MAP3K21: variants seen among roughly 807,000 people sequenced by gnomAD.
MAP3K21 encodes mitogen-activated protein kinase kinase kinase 21.
MAP3K21 carries 63 observed loss-of-function variants against 86.1 expected under a neutral mutation model. The observed-to-expected ratio is 0.73, with a 90% CI of 0.60 to 0.90. The LOEUF is 0.90. Among genes scored for constraint, MAP3K21 ranks in the 40% least tolerant of loss-of-function variants. The pLI, the probability that MAP3K21 is intolerant of heterozygous loss-of-function variation, is 0.00. For synonymous variants in MAP3K21, 558 were observed against 564.8 expected, an observed-to-expected ratio of 0.99 and a Z score of 0.17; for missense variants, 1,220 against 1,367.7, an observed-to-expected ratio of 0.89 and a Z score of 1.70.
chr1:233,339,195 TTTCTTC>T (rs71173272), intron 1 of MAP3K21, among the ~76,000 whole-genome samples: 2,369 of 115,476 alleles, frequency 0.021, 105 homozygotes, highest in Middle Eastern at 0.031. Context: ...AAAACAATCA[TTTCTTC>T]TTCTTCTTCT....
At chr1:233,348,289 G>A (rs369046622) in intron 2 of MAP3K21, among the ~76,000 whole-genome samples, 56 of 152,158 alleles carry the variant, frequency 3.7e-4, no homozygotes, top group Middle Eastern at 6.8e-3. Flanking sequence ...ATGATTTGAG[G>A]TTCATCTATG....
chr1:233,342,303 A>C (rs1663051620), intron 1 of MAP3K21, among the ~76,000 whole-genome samples: 1 of 152,208 alleles, frequency 6.6e-6, no homozygotes. Flanking sequence ...ATCTTGGATA[A>C]CATTTCTAGG....
chr1:233,379,083 G>A lies in MAP3K21; in HGVS notation c.2077G>A (p.Ala693Thr). 6.2e-7 allele frequency: 1 copy of A among 1,614,230 alleles called. No homozygotes were observed. The highest frequency in any genetic ancestry group is 8.5e-7 in the Non-Finnish European group (1 of 1,180,042). ...PAEAESWEEA[A>T]SANAATVSIE... ...AGAAGCTGAAAGCTGGGAGGAGGCA[G>A]CCTCTGCGAATGCTGCCACAGTCTC... The change falls in exon 9 of 10, where the codon GCC becomes ACC. Residue 693 changes from alanine to threonine, a missense_variant. Physicochemically the swap from Ala to Thr is moderately conservative, Grantham distance 58 (BLOSUM62 0). Coordinates refer to ENST00000366624, the MANE Select transcript of MAP3K21 (RefSeq NM_032435.3).
chr1:233,337,202 T>C (rs1215482519), intron 1 of MAP3K21, among the ~76,000 whole-genome samples: 1 of 70,374 alleles, frequency 1.4e-5, no homozygotes, highest in Non-Finnish European at 3.0e-5. Flanking sequence ...GTAATTCTGC[T>C]GTTGTAGCCA....
chr1:233,377,215 A>G (rs190767772), intron 8 of MAP3K21, among the ~76,000 whole-genome samples: 145 of 152,356 alleles, frequency 9.5e-4, no homozygotes, highest in Non-Finnish European at 1.2e-3. Context: ...CTATATTTGT[A>G]TTCAGTATTC....
intron 4 of MAP3K21, among the ~76,000 whole-genome samples, chr1:233,361,405 AT>A (rs1663463578): frequency 1.3e-5 from 2 of 152,268 alleles, no homozygotes; most frequent in South Asian, 4.1e-4. Context: ...TGTATACAGA[AT>A]ATATTTTCCT....
chr1:233,368,021 C>T (rs1192602708), intron 5 of MAP3K21, among the ~76,000 whole-genome samples: 3 of 152,162 alleles, frequency 2.0e-5, no homozygotes, highest in African/African-American at 2.4e-5. Flanking sequence ...TGGCTTTCCA[C>T]GTGTTCCATG....
At position 233,328,923 on chromosome 1, in the gene MAP3K21, G is replaced by T; in HGVS notation, c.805+90G>T. 5 of 1,230,734 alleles carry T rather than the reference G, an allele frequency of 4.1e-6. No individual in the cohort carries two copies. The highest frequency in any genetic ancestry group is 5.1e-6 in the Non-Finnish European group (5 of 974,468). The allele number at this position is 1,230,734 out of a possible 1,614,324, so 76.2% of individuals were successfully genotyped here. A position where few individuals can be genotyped will look rare whatever the true frequency, so the allele number is the denominator to read the frequency against. On this transcript the variant is annotated intron_variant, in intron 1 of 9. Coordinates refer to ENST00000366624, the MANE Select transcript of MAP3K21 (RefSeq NM_032435.3). This position sits in a 1 kb window ranked among gnomAD's most constrained non-coding sequence, Gnocchi z 8.7. ...GACATAGTACCAGATGGAAAGAGGT[G>T]GGAGTCAGCCTTAGGGCGCCAGCAG... is the stretch of plus-strand genomic sequence containing the variant.
In MAP3K21 at chr1:233,328,717, G is replaced by A; in HGVS notation, c.689G>A (p.Arg230His). ...DPRAPGPRRA[R>H]RIPPHVLVNW... Reference sequence around the variant, plus strand: ...CGCGCGCCCGGCCCCCGCCGCGCGCGCCGCATCCCTCCGCACGTGCTGGTC... The same window carrying A: ...CGCGCGCCCGGCCCCCGCCGCGCGCACCGCATCCCTCCGCACGTGCTGGTC... The change falls in exon 1 of 10, where the codon CGC becomes CAC. Residue 230 changes from arginine (R) to histidine (H), a missense_variant. Arg to His is a conservative substitution (Grantham distance 29, BLOSUM62 0). Transcript: ENST00000366624. The surrounding 1 kb of genome is among the most constrained non-coding windows in gnomAD (Gnocchi z 8.7). 1.4e-6 allele frequency: 2 copies of A among 1,392,126 alleles called. No homozygotes were observed. Among genetic ancestry groups the A allele is most frequent in the Non-Finnish European group, 1.9e-6 (2 of 1,065,050 alleles). 86.2% of individuals were successfully genotyped at this position (1,392,126 alleles called of 1,614,324 possible). A position where few individuals can be genotyped will look rare whatever the true frequency, so the allele number is the denominator to read the frequency against.
intron 1 of MAP3K21, among the ~76,000 whole-genome samples, chr1:233,346,090 A>G (rs1374341135): frequency 6.6e-6 from 1 of 152,218 alleles, no homozygotes; most frequent in Admixed American, 6.5e-5. Context: ...AACATTCTGT[A>G]CTTAGGTCAG....
chr1:233,329,411 T>C (rs546835293), intron 1 of MAP3K21, among the ~76,000 whole-genome samples: 1 of 152,296 alleles, frequency 6.6e-6, no homozygotes, highest in Non-Finnish European at 1.5e-5. Context: ...CCCAGCACTT[T>C]GGGAGGCCGA....
chr1:233,368,519 G>A (rs1283731684), intron 5 of MAP3K21, among the ~76,000 whole-genome samples: 1 of 149,838 alleles, frequency 6.7e-6, no homozygotes, highest in African/African-American at 2.5e-5. Context: ...GCTGGGCATA[G>A]TGGTGCATGC....
chr1:233,349,627 A>G (rs981538999), intron 2 of MAP3K21, among the ~76,000 whole-genome samples: 2 of 152,184 alleles, frequency 1.3e-5, no homozygotes, highest in South Asian at 2.1e-4. Context: ...AAGTGCGATG[A>G]TCTGATTTTC....
chr1:233,366,126 T>C (rs1201307363), intron 5 of MAP3K21, among the ~76,000 whole-genome samples: 1 of 151,956 alleles, frequency 6.6e-6, no homozygotes, highest in Non-Finnish European at 1.5e-5. Flanking sequence ...CACATATATG[T>C]GGGAGCGAAA....
At chr1:233,347,825 C>T (rs1663179247) in intron 2 of MAP3K21, among the ~76,000 whole-genome samples, 1 of 152,082 alleles carries the variant, frequency 6.6e-6, no homozygotes. Flanking sequence ...TCCCAAACCT[C>T]AACATCACAC....
rs111980548 is a variant in MAP3K21 at position 233,382,927 on chromosome 1, C to A, written c.*216C>A. The A allele has an allele frequency of 7.8e-5, 39 of 499,016 alleles. No individual in the cohort carries two copies. Among genetic ancestry groups the A allele is most frequent in the Non-Finnish European group, 1.3e-4 (35 of 278,302 alleles). The allele number at this position is 499,016 out of a possible 1,614,324, so 30.9% of individuals were successfully genotyped here. On this transcript the variant is annotated 3_prime_UTR_variant, in exon 10 of 10. Coordinates refer to ENST00000366624, the MANE Select transcript of MAP3K21 (RefSeq NM_032435.3). ...GATTCTTTTCTTATAACTTGGAATA[C>A]ACAAAAGTGTAAAACAAGAGATGTG...
chr1:233,337,375 C>T (rs1662937226), intron 1 of MAP3K21, among the ~76,000 whole-genome samples: 1 of 152,188 alleles, frequency 6.6e-6, no homozygotes, highest in Non-Finnish European at 1.5e-5. Context: ...AATTTAAATG[C>T]AAGCTGTTGA....
In MAP3K21 at chr1:233,328,377, G is replaced by C. The variant is rs889682544; in HGVS notation, c.349G>C (p.Val117Leu). ...APPPSRPSSP[V>L]HVAFERLELK... ...GCCGCCCTCGCGGCCCAGCTCCCCG[G>C]TACACGTCGCCTTCGAGCGGCTGGA... The change falls in exon 1 of 10, where the codon GTA becomes CTA. Residue 117 changes from valine (V) to leucine (L), a missense_variant. Val to Leu is a conservative substitution (Grantham distance 32). Around this residue, in one of 5 missense-constraint regions of MAP3K21, gnomAD observed 369 missense variants for 385.3 expected, o/e 0.96. Coordinates refer to ENST00000366624, the MANE Select transcript of MAP3K21 (RefSeq NM_032435.3). This position sits in a 1 kb window ranked among gnomAD's most constrained non-coding sequence, Gnocchi z 8.7. 6.7e-7 allele frequency: 1 copy of C among 1,485,036 alleles called. No homozygotes were observed. The highest frequency in any genetic ancestry group is 8.9e-7 in the Non-Finnish European group (1 of 1,125,364). The allele number at this position is 1,485,036 out of a possible 1,614,324, so 92.0% of individuals were successfully genotyped here. A position where few individuals can be genotyped will look rare whatever the true frequency, so the allele number is the denominator to read the frequency against.
In MAP3K21 at chr1:233,328,361, G is replaced by A; in HGVS notation, c.333G>A (p.Ser111=). 6 of 1,469,792 alleles carry A rather than the reference G, an allele frequency of 4.1e-6. No homozygotes were observed. Among genetic ancestry groups the A allele is most frequent in the Admixed American group, 5.0e-5 (2 of 40,336 alleles). 91.0% of individuals were successfully genotyped at this position (1,469,792 alleles called of 1,614,324 possible). A position where few individuals can be genotyped will look rare whatever the true frequency, so the allele number is the denominator to read the frequency against. ...RPAASPAPPP[S]RPSSPVHVAF... is the part of the protein sequence containing the mutation. ...CCGCCAGCCCCGCGCCGCCGCCCTC[G>A]CGGCCCAGCTCCCCGGTACACGTCG... The change falls in exon 1 of 10, where the codon TCG becomes TCA. Residue 111 remains serine, a synonymous_variant. Transcript: ENST00000366624. This position sits in a 1 kb window ranked among gnomAD's most constrained non-coding sequence, Gnocchi z 8.7.
Sources: gnomAD v4.1 joint callset for allele counts (sites outside exome capture counted in the v4.1 genomes callset) on GRCh38, gnomAD v4.1.1 for gene constraint, gnomAD v4.1.1 regional missense constraint, Gnocchi (gnomAD v3.1) non-coding constraint, MANE v1.5 for transcripts, NCBI Gene and HGNC (gene_info 2026-07-23, HGNC 2026-07-21) for gene names.